Variants in PHF21A observed in about 807,000 individuals in gnomAD.
PHF21A encodes the protein PHD finger protein 21A, also known as BHC80a.
PHF21A carries 11 observed loss-of-function variants against 82.5 expected under a neutral mutation model. The observed-to-expected ratio is 0.13, with a 90% CI of 0.08 to 0.22. The LOEUF (loss-of-function observed/expected upper bound fraction) is 0.22. PHF21A is among the 10% of genes least tolerant of loss of function. The pLI is 1.00. For missense variants in PHF21A, 579 were observed against 837.8 expected, an observed-to-expected ratio of 0.69 and a Z score of 3.81; for synonymous variants, 297 against 302.8, an observed-to-expected ratio of 0.98 and a Z score of 0.20.
At chr11:45,980,924 T>C (rs2094249255) in intron 6 of PHF21A, among the ~76,000 whole-genome samples, 1 of 152,214 alleles carries the variant, frequency 6.6e-6, no homozygotes, top group Non-Finnish European at 1.5e-5. Context: ...GGGATTTAAC[T>C]GCGTGGAGTG....
At chr11:45,963,445 A>G (rs2093242305) in intron 10 of PHF21A, among the ~76,000 whole-genome samples, 1 of 151,028 alleles carries the variant, frequency 6.6e-6, no homozygotes, top group African/African-American at 2.4e-5. Context: ...AAAAGAAAAG[A>G]AAAAAAAATC....
rs900738852 is a variant in PHF21A at position 45,967,935 on chromosome 11, C to A, written c.702+1880G>T. 2.6e-5 allele frequency among the ~76,000 whole-genome samples: 4 copies of A among 152,290 alleles called. No individual in the cohort carries two copies. In the South Asian group the frequency reaches 8.3e-4, roughly 32 times the overall value. ...TTAATAGTTCATATTCTATTCTATT[C>A]ATTTTATTTAAACACTCTGGTTACA... On this transcript the variant is annotated intron_variant, in intron 9 of 18. Transcript: ENST00000676320.
intron 6 of PHF21A, among the ~76,000 whole-genome samples, chr11:46,041,846 C>T (rs1592377506): frequency 6.6e-6 from 1 of 152,130 alleles, no homozygotes; most frequent in Non-Finnish European, 1.5e-5. Flanking sequence ...GACATTATTA[C>T]ATTTAACCCT....
At chr11:46,108,567 G>GTGTGTATA (rs1555199216) in intron 1 of PHF21A, among the ~76,000 whole-genome samples, 2 of 62,200 alleles carry the variant, frequency 3.2e-5, no homozygotes, top group African/African-American at 6.6e-5. Context: ...GTGTGTGTGT[G>GTGTGTATA]TATATATATA....
At chr11:46,039,557 T>C (rs1270346036) in intron 6 of PHF21A, among the ~76,000 whole-genome samples, 1 of 152,172 alleles carries the variant, frequency 6.6e-6, no homozygotes. Context: ...TGGAGAATTT[T>C]ATCTTAAACC....
intron 3 of PHF21A, among the ~76,000 whole-genome samples, chr11:46,086,725 G>A (rs182052056): frequency 1.3e-5 from 2 of 152,110 alleles, no homozygotes; most frequent in African/African-American, 4.8e-5. Flanking sequence ...AGTTGAAGGT[G>A]TATTTTTCAA....
At chr11:46,051,157 A>G (rs1391787670) in intron 6 of PHF21A, among the ~76,000 whole-genome samples, 1 of 152,190 alleles carries the variant, frequency 6.6e-6, no homozygotes, top group Admixed American at 6.5e-5. Context: ...TCCAAAAAGG[A>G]TAACTTTCCA....
chr11:46,093,677 A>C (rs1444523939), intron 1 of PHF21A, among the ~76,000 whole-genome samples: 1 of 152,226 alleles, frequency 6.6e-6, no homozygotes, highest in Non-Finnish European at 1.5e-5. Context: ...AGGTTGCCTC[A>C]AACAGTACCA....
Position 45,971,105 on chromosome 11 carries a change from T to A in PHF21A, c.612+11A>T. 1 of 1,613,882 alleles carries A rather than the reference T, an allele frequency of 6.2e-7. No homozygotes were observed. The highest frequency in any genetic ancestry group is 8.5e-7 in the Non-Finnish European group (1 of 1,179,906). ...CATGTGATCACACATGAGGAGCAGC[T>A]GCTGGCTTACCAGAGTGACTGTGTT... is the stretch of plus-strand genomic sequence containing the variant. On this transcript the variant is annotated intron_variant, in intron 8 of 18. Transcript: ENST00000676320.
At chr11:46,051,531 A>C (rs1409461378) in intron 6 of PHF21A, among the ~76,000 whole-genome samples, 1 of 152,194 alleles carries the variant, frequency 6.6e-6, no homozygotes, top group Admixed American at 6.5e-5. Flanking sequence ...AAATTGCCTA[A>C]GGAAACCTCA....
intron 1 of PHF21A, among the ~76,000 whole-genome samples, chr11:46,102,678 G>C (rs2097110239): frequency 6.6e-6 from 1 of 152,276 alleles, no homozygotes; most frequent in African/African-American, 2.4e-5. Context: ...AGCAATTTCT[G>C]AGGTAAAAAG....
In PHF21A at chr11:46,011,987, C is replaced by G. The variant is rs144058995; in HGVS notation, c.154-32021G>C. ...TAGATTTCCAGATGACTATCACCTT[C>G]TTTACTTCCTGTCCATCCTGGGACC... On this transcript the variant is annotated intron_variant, in intron 6 of 18. Coordinates refer to ENST00000676320, the MANE Select transcript of PHF21A (RefSeq NM_001352027.3). Among the ~76,000 whole-genome samples, 673 of 152,324 alleles carry G rather than the reference C, an allele frequency of 4.4e-3. 5 individuals are homozygous for G. The highest frequency in any genetic ancestry group is 0.015 in the African/African-American group (624 of 41,568).
chr11:46,106,464 C>G (rs761695242), intron 1 of PHF21A, among the ~76,000 whole-genome samples: 1 of 152,060 alleles, frequency 6.6e-6, no homozygotes, highest in Non-Finnish European at 1.5e-5. Context: ...CTGTTCCTTT[C>G]AGAAAAAGAA....
intron 6 of PHF21A, among the ~76,000 whole-genome samples, chr11:46,038,424 G>A (rs61882544): frequency 0.099 from 15,012 of 152,094 alleles, 907 homozygotes; most frequent in African/African-American, 0.17. Flanking sequence ...CACTGCACCC[G>A]GCCCATTTCA....
At chr11:45,938,059 G>T (rs1054347248) in intron 16 of PHF21A, 98 bp downstream of exon 16, 5 of 1,047,510 alleles carry the variant, frequency 4.8e-6, no homozygotes, top group Non-Finnish European at 6.9e-6. Context: ...CGGACTGGGA[G>T]AGAGAAGAGA....
intron 7 of PHF21A, among the ~76,000 whole-genome samples, chr11:45,975,873 G>A (rs935892536): frequency 6.6e-6 from 1 of 151,616 alleles, no homozygotes; most frequent in Admixed American, 6.6e-5. Context: ...TCTCCCCCTG[G>A]CCCCCCGATT....
intron 6 of PHF21A, among the ~76,000 whole-genome samples, chr11:45,985,980 G>A (rs902713635): frequency 6.6e-6 from 1 of 151,866 alleles, no homozygotes; most frequent in Non-Finnish European, 1.5e-5. Context: ...TTCTCTGCAT[G>A]GATGTTTAAC....
chr11:46,095,188 CA>C (rs67219578), intron 1 of PHF21A, among the ~76,000 whole-genome samples: 3 of 150,624 alleles, frequency 2.0e-5, no homozygotes, highest in African/African-American at 7.3e-5. Flanking sequence ...TGGAAATTGT[CA>C]AAAAAAAAGC....
At chr11:45,961,118 T>A (rs2135800862) in intron 10 of PHF21A, among the ~76,000 whole-genome samples, 1 of 152,284 alleles carries the variant, frequency 6.6e-6, no homozygotes, top group Middle Eastern at 3.4e-3. Flanking sequence ...GAAAAATAAA[T>A]AAAAAGTCCA....
Sources: gnomAD v4.1 joint callset for allele counts (sites outside exome capture counted in the v4.1 genomes callset) on GRCh38, gnomAD v4.1.1 for gene constraint, MANE v1.5 for transcripts, NCBI Gene and HGNC (gene_info 2026-07-23, HGNC 2026-07-21) for gene names.